The following PDE10A variants were observed in gnomAD, a reference collection of about 807,000 sequenced individuals.
PDE10A encodes the protein phosphodiesterase 10A, also known as cAMP and cAMP-inhibited cGMP 3',5'-cyclic phosphodiesterase 10A.
A neutral mutation model predicts 97.7 loss-of-function variants in PDE10A; 39 were observed. The ratio of observed to expected loss-of-function variants is 0.40; its 90% CI spans 0.31 to 0.52. PDE10A has a LOEUF of 0.52. Among genes scored for constraint, PDE10A ranks in the 20% least tolerant of loss-of-function variants. PDE10A has a pLI of 0.56. For synonymous variants in PDE10A, 371 were observed against 376.8 expected, an observed-to-expected ratio of 0.98 and a Z score of 0.18; for missense variants, 731 against 1,047.8, an observed-to-expected ratio of 0.70 and a Z score of 4.17.
At chr6:165,362,835 TC>T (rs1326337676) in intron 18 of PDE10A, among the ~76,000 whole-genome samples, 1 of 152,128 alleles carries the variant, frequency 6.6e-6, no homozygotes, top group Non-Finnish European at 1.5e-5. Context: ...TCAAGCCAAA[TC>T]CAGCAATATA....
At chr6:165,481,363 T>C (rs994916273) in intron 3 of PDE10A, among the ~76,000 whole-genome samples, 1 of 152,102 alleles carries the variant, frequency 6.6e-6, no homozygotes, top group Non-Finnish European at 1.5e-5. Flanking sequence ...CTCAAGAGAA[T>C]CCTACATTGC....
At chr6:165,635,663 A>T (rs1788840872) in intron 1 of PDE10A, among the ~76,000 whole-genome samples, 1 of 152,260 alleles carries the variant, frequency 6.6e-6, no homozygotes, top group Non-Finnish European at 1.5e-5. Context: ...AGAGGTTTCA[A>T]ATAAGTACTT....
rs114507143 is a variant in PDE10A, at chr6:165,589,755, T to C, written c.866-46187A>G. ...AAAAAAATGTCACCGACTGAAATTG[T>C]CTATATTCCAGGCTAAATAACTTAT... On this transcript the variant is annotated intron_variant, in intron 1 of 21. Transcript: ENST00000539869. 8.7e-3 allele frequency among the ~76,000 whole-genome samples: 1,328 copies of C among 152,268 alleles called. 21 individuals are homozygous for C. The highest frequency in any genetic ancestry group is 0.031 in the African/African-American group (1,268 of 41,534).
At chr6:165,932,100 G>C (rs1415061089) in intron 1 of PDE10A, among the ~76,000 whole-genome samples, 1 of 152,088 alleles carries the variant, frequency 6.6e-6, no homozygotes, top group Non-Finnish European at 1.5e-5. Flanking sequence ...TCCACACAGG[G>C]GACGATATAC....
At chr6:165,594,492 C>T (rs186190860) in intron 1 of PDE10A, among the ~76,000 whole-genome samples, 72 of 152,080 alleles carry the variant, frequency 4.7e-4, no homozygotes, top group Non-Finnish European at 8.2e-4. Flanking sequence ...TAATGATACC[C>T]AAAGTGAAGC....
rs1199820826 is a variant in PDE10A at position 165,327,790 on chromosome 6, C to T, written c.*5235G>A. On this transcript the variant is annotated 3_prime_UTR_variant, in exon 22 of 22. Transcript: ENST00000539869. Reference sequence around the variant, plus strand: ...GTTAACTTGAAATTCTTTCTCCTTCCAATAGAGAGCCTATTAAAATTCTGG... The same window carrying T: ...GTTAACTTGAAATTCTTTCTCCTTCTAATAGAGAGCCTATTAAAATTCTGG... The T allele has an allele frequency of 6.6e-6, 1 of 152,172 alleles. No homozygotes were observed. Among genetic ancestry groups the T allele is most frequent in the South Asian group, 2.1e-4 (1 of 4,832 alleles). The allele number at this position is 152,172 out of a possible 1,614,324, so 9.4% of individuals were successfully genotyped here. A position where few individuals can be genotyped will look rare whatever the true frequency, so the allele number is the denominator to read the frequency against.
At chr6:165,437,172 G>A (rs911375736) in intron 5 of PDE10A, among the ~76,000 whole-genome samples, 3 of 152,074 alleles carry the variant, frequency 2.0e-5, no homozygotes, top group Non-Finnish European at 2.9e-5. Context: ...TTTTTTGCGG[G>A]GGGTGTGGAG....
rs779180491 is a variant in PDE10A at position 165,688,893 on chromosome 6, TG to T, written c.-614-145326del. Among the ~76,000 whole-genome samples the T allele has an allele frequency of 1.3e-3, 195 of 152,354 alleles. 1 individual carries two copies. Among genetic ancestry groups the T allele is most frequent in the Middle Eastern group, 3.4e-3 (1 of 294 alleles). ...GTACAGATGGAACTGTGGTGAAATG[TG>T]GCAGGGGAGGAATGAGTCCTCTCAA... On this transcript the variant is annotated intron_variant, in intron 1 of 19. Transcript: ENST00000366882.
chr6:165,913,273 TAC>T lies in PDE10A; in HGVS notation c.-615+74254_-615+74255del, dbSNP rs58740333. 9.8e-3 allele frequency among the ~76,000 whole-genome samples: 1,454 copies of T among 147,924 alleles called. 16 individuals are homozygous for T. The highest frequency in any genetic ancestry group is 0.061 in the East Asian group (306 of 4,976). On this transcript the variant is annotated intron_variant, in intron 1 of 19. Transcript: ENST00000366882. The stretch of plus-strand genomic sequence containing the variant: ...ATGTTGAATAAGGACACTCAACTTG[TAC>T]ACACACACACACACACACACACACA...
chr6:165,482,539 T>G (rs1303208235), intron 2 of PDE10A, among the ~76,000 whole-genome samples, 196 bp from the exon 3 acceptor site: 1 of 152,230 alleles, frequency 6.6e-6, no homozygotes, highest in Non-Finnish European at 1.5e-5. Context: ...TACATTAATT[T>G]CACAGGGAAA....
chr6:165,573,766 TAA>T (rs796648972), intron 1 of PDE10A, among the ~76,000 whole-genome samples: 1 of 148,624 alleles, frequency 6.7e-6, no homozygotes, highest in Non-Finnish European at 1.5e-5. Flanking sequence ...AGAAAAGCAA[TAA>T]AAAAAAAATA....
At chr6:165,841,220 G>A (rs377301300) in intron 1 of PDE10A, among the ~76,000 whole-genome samples, 68 of 152,296 alleles carry the variant, frequency 4.5e-4, no homozygotes, top group South Asian at 2.1e-3. Context: ...GGTGAAAATC[G>A]ATACATTGAT....
At chr6:165,811,313 T>C (rs183295660) in intron 1 of PDE10A, among the ~76,000 whole-genome samples, 1 of 152,320 alleles carries the variant, frequency 6.6e-6, no homozygotes, top group African/African-American at 2.4e-5. Context: ...AAGATACTGA[T>C]AGTTACATCA....
chr6:165,611,698 C>T (rs1787502569), intron 1 of PDE10A, among the ~76,000 whole-genome samples: 1 of 152,206 alleles, frequency 6.6e-6, no homozygotes, highest in South Asian at 2.1e-4. Flanking sequence ...ATAGGAAAAT[C>T]CTTCATATAC....
chr6:165,546,131 G>A (rs561460965), intron 1 of PDE10A, among the ~76,000 whole-genome samples: 39 of 152,108 alleles, frequency 2.6e-4, no homozygotes, highest in African/African-American at 8.2e-4. Flanking sequence ...AGTCTTAAAT[G>A]CATATTGCTA....
intron 1 of PDE10A, among the ~76,000 whole-genome samples, chr6:165,977,780 G>A (rs1200310642): frequency 6.6e-6 from 1 of 152,166 alleles, no homozygotes; most frequent in Non-Finnish European, 1.5e-5. Flanking sequence ...GTCCACTAAA[G>A]GCATGTACAA....
chr6:165,349,089 T>A (rs1230780328), intron 18 of PDE10A, among the ~76,000 whole-genome samples: 1 of 152,172 alleles, frequency 6.6e-6, no homozygotes, highest in East Asian at 1.9e-4. Context: ...TAAAGATACA[T>A]GAAACTGTGG....
At chr6:165,746,177 A>G (rs1792838521) in intron 1 of PDE10A, among the ~76,000 whole-genome samples, 2 of 152,324 alleles carry the variant, frequency 1.3e-5, no homozygotes, top group Admixed American at 1.3e-4. Context: ...AGCTCAGTAA[A>G]TGAGAAAACA....
chr6:165,892,188 G>C (rs965027686), intron 1 of PDE10A, among the ~76,000 whole-genome samples: 1 of 152,192 alleles, frequency 6.6e-6, no homozygotes, highest in Non-Finnish European at 1.5e-5. Context: ...GGTACCGCTG[G>C]GATGTGATGG....
Sources: gnomAD v4.1 joint callset for allele counts (sites outside exome capture counted in the v4.1 genomes callset) on GRCh38, gnomAD v4.1.1 for gene constraint, MANE v1.5 for transcripts, NCBI Gene and HGNC (gene_info 2026-07-23, HGNC 2026-07-21) for gene names.